Variants in ACYP2 observed in about 807,000 individuals in gnomAD.
The protein encoded by ACYP2 is acylphosphatase 2, also known as acylphosphatase-2.
In ACYP2, 12 loss-of-function variants were observed where a neutral mutation model predicts 11.2. The observed-to-expected ratio is 1.08, with a 90% confidence interval of 0.69 to 1.74. The LOEUF (loss-of-function observed/expected upper bound fraction) is 1.74. ACYP2 is among the 40% of genes most tolerant of loss of function. The pLI is 0.00. For missense variants in ACYP2, 134 were observed against 101.9 expected (o/e 1.31, Z -1.35); for synonymous variants, 43 against 32.2 (o/e 1.33, Z -1.13).
At chr2:54,205,093 C>T (rs1054357218) in intron 6 of ACYP2, among the ~76,000 whole-genome samples, 7 of 152,198 alleles carry the variant, frequency 4.6e-5, no homozygotes, top group Admixed American at 4.6e-4. Context: ...TTGCCTATCT[C>T]TCCATTCTGG....
At chr2:54,126,028 C>G (rs982711252) in intron 4 of ACYP2, among the ~76,000 whole-genome samples, 1 of 152,034 alleles carries the variant, frequency 6.6e-6, no homozygotes, top group Non-Finnish European at 1.5e-5. Flanking sequence ...TTGCAGTGAG[C>G]GGAGATTGCA....
intron 6 of ACYP2, among the ~76,000 whole-genome samples, chr2:54,283,268 C>G (rs968648696): frequency 6.6e-6 from 1 of 152,072 alleles, no homozygotes; most frequent in African/African-American, 2.4e-5. Context: ...GGATTATAAC[C>G]TTTTAATATT....
intron 5 of ACYP2, 36 bp downstream of exon 2, chr2:54,135,505 T>G (rs1441308690): frequency 6.3e-7 from 1 of 1,587,894 alleles, no homozygotes; most frequent in Non-Finnish European, 8.6e-7. Context: ...TTGCTATTTT[T>G]TTTCCACTGT....
chr2:54,051,363 G>C, intron 3 of ACYP2: 1 of 757,626 alleles, frequency 1.3e-6, no homozygotes, highest in African/African-American at 1.7e-5. Flanking sequence ...GGAAGACCAT[G>C]TCTGCTAAAG....
intron 4 of ACYP2, among the ~76,000 whole-genome samples, chr2:54,104,332 A>G (rs183558010): frequency 7.9e-4 from 121 of 152,346 alleles, no homozygotes; most frequent in Non-Finnish European, 2.4e-4. Flanking sequence ...TTCATGAGGA[A>G]GAAGTGGAAA....
At chr2:54,248,420 G>A (rs1687060730) in intron 6 of ACYP2, among the ~76,000 whole-genome samples, 1 of 152,058 alleles carries the variant, frequency 6.6e-6, no homozygotes, top group Non-Finnish European at 1.5e-5. Context: ...TACTTAAAGG[G>A]TCCACTTTGT....
At chr2:54,113,355 A>T (rs1168469848) in intron 4 of ACYP2, among the ~76,000 whole-genome samples, 1 of 150,806 alleles carries the variant, frequency 6.6e-6, no homozygotes, top group Non-Finnish European at 1.5e-5. Context: ...TCCTACTCCC[A>T]CCTCAGCCTC....
chr2:54,295,091 C>A (rs1031821451), intron 6 of ACYP2, among the ~76,000 whole-genome samples: 7 of 152,138 alleles, frequency 4.6e-5, no homozygotes, highest in Non-Finnish European at 1.0e-4. Context: ...ACTAGGCTTG[C>A]AGGATGGACT....
chr2:54,245,815 G>A (rs1185894813), intron 6 of ACYP2, among the ~76,000 whole-genome samples: 1 of 151,682 alleles, frequency 6.6e-6, no homozygotes, highest in Non-Finnish European at 1.5e-5. Context: ...TCTACAGGTT[G>A]CCTTTTCACT....
At chr2:53,980,305 A>G (rs1671685813) in intron 2 of ACYP2, among the ~76,000 whole-genome samples, 2 of 152,154 alleles carry the variant, frequency 1.3e-5, no homozygotes, top group South Asian at 4.1e-4. Flanking sequence ...GTGAGCCAGG[A>G]TCTCACCACT....
chr2:54,202,142 A>G (rs1371823031), intron 6 of ACYP2, among the ~76,000 whole-genome samples: 1 of 151,290 alleles, frequency 6.6e-6, no homozygotes, highest in Non-Finnish European at 1.5e-5. Flanking sequence ...CAGTTGTTCC[A>G]GTCACCCAGG....
intron 2 of ACYP2, among the ~76,000 whole-genome samples, chr2:54,015,668 C>G (rs1673646318): frequency 6.6e-6 from 1 of 151,610 alleles, no homozygotes; most frequent in Non-Finnish European, 1.5e-5. Context: ...CACACACACA[C>G]ACACACACAC....
chr2:54,050,950 T>G lies in ACYP2; in HGVS notation c.63-8T>G, dbSNP rs773487950. The G allele has an allele frequency of 2.5e-6, 1 of 407,584 alleles. No individual in the cohort carries two copies. The highest frequency in any genetic ancestry group is 4.3e-6 in the Non-Finnish European group (1 of 232,250). The allele number at this position is 407,584 out of a possible 1,614,324, so 25.2% of individuals were successfully genotyped here. The stretch of plus-strand genomic sequence containing the variant: ...CCCAACTAATTAAATTTTTTTCTTT[T>G]TTTGTAGATACAAGGTCTCGCTGTT... On this transcript the variant is annotated splice_region_variant and splice_polypyrimidine_tract_variant and intron_variant, in intron 2 of 6. Coordinates refer to ENST00000607452, the MANE Select transcript of ACYP2 (RefSeq NM_001320586.2).
At chr2:54,137,280 T>A (rs761182994) in intron 5 of ACYP2, among the ~76,000 whole-genome samples, 16 of 151,954 alleles carry the variant, frequency 1.1e-4, no homozygotes, top group African/African-American at 2.7e-4. Flanking sequence ...CTTTCTTTTT[T>A]AAAAAAAAAT....
chr2:54,225,297 AT>A (rs1685967708), intron 6 of ACYP2, among the ~76,000 whole-genome samples: 1 of 152,138 alleles, frequency 6.6e-6, no homozygotes, highest in African/African-American at 2.4e-5. Context: ...GGAGCTGGTT[AT>A]TGTGACAGGG....
At chr2:54,252,406 C>T (rs549113654) in intron 6 of ACYP2, among the ~76,000 whole-genome samples, 27 of 152,082 alleles carry the variant, frequency 1.8e-4, no homozygotes, top group African/African-American at 5.3e-4. Flanking sequence ...TATATATTTC[C>T]GTTGGGTATA....
At chr2:54,074,912 G>A (rs915490694) in intron 4 of ACYP2, among the ~76,000 whole-genome samples, 5 of 152,152 alleles carry the variant, frequency 3.3e-5, no homozygotes, top group African/African-American at 9.7e-5. Flanking sequence ...ACTGATGTAA[G>A]TCGTAATCTC....
At chr2:54,092,953 G>A (rs142768367) in intron 4 of ACYP2, among the ~76,000 whole-genome samples, 1 of 152,156 alleles carries the variant, frequency 6.6e-6, no homozygotes, top group Non-Finnish European at 1.5e-5. Flanking sequence ...TGCATCCAAC[G>A]ACCCATTGAT....
At chr2:53,992,216 CTCCTTCCT>C (rs750186019) in intron 2 of ACYP2, among the ~76,000 whole-genome samples, 4 of 147,774 alleles carry the variant, frequency 2.7e-5, no homozygotes, top group African/African-American at 1.0e-4. Context: ...TTTCTTCTTT[CTCCTTCCT>C]TCCTTCCTTC....
Sources: gnomAD v4.1 joint callset for allele counts (sites outside exome capture counted in the v4.1 genomes callset) on GRCh38, gnomAD v4.1.1 for gene constraint, MANE v1.5 for transcripts, NCBI Gene and HGNC (gene_info 2026-07-23, HGNC 2026-07-21) for gene names.